CPNE5: variants seen among roughly 807,000 people sequenced by gnomAD.
CPNE5 encodes copine-5.
Under a neutral mutation model 81.1 loss-of-function variants are expected in CPNE5, and 42 were observed. The observed-to-expected ratio is 0.52, with a 90% confidence interval of 0.40 to 0.67. The LOEUF is 0.67. CPNE5 is among the 30% of genes least tolerant of loss of function. The probability of loss-of-function intolerance (pLI) is 0.00; values close to 1 mark genes in which losing one functional copy is unlikely to be tolerated. For synonymous variants in CPNE5, 313 were observed against 321.5 expected (o/e 0.97, Z 0.28); for missense variants, 612 against 815.5 (o/e 0.75, Z 3.04).
chr6:36,830,067 C>T (rs575415681), intron 1 of CPNE5, among the ~76,000 whole-genome samples: 20 of 152,248 alleles, frequency 1.3e-4, no homozygotes, highest in Middle Eastern at 3.4e-3. Flanking sequence ...TCCATATCAA[C>T]GCCAGAAAGT....
At chr6:36,756,011 C>T (rs1373167142) in intron 13 of CPNE5, 1 of 543,610 alleles carries the variant, frequency 1.8e-6, no homozygotes, top group Non-Finnish European at 3.2e-6. Context: ...GTGGATGTCT[C>T]TGCGATTCCT....
At chr6:36,761,941 G>C (rs1208626899) in intron 12 of CPNE5, among the ~76,000 whole-genome samples, 1 of 152,114 alleles carries the variant, frequency 6.6e-6, no homozygotes, top group Non-Finnish European at 1.5e-5. Flanking sequence ...TTGGAAGGTG[G>C]GGAGGGAATT....
intron 8 of CPNE5, among the ~76,000 whole-genome samples, chr6:36,790,641 G>A (rs1205421692): frequency 6.6e-6 from 1 of 152,092 alleles, no homozygotes; most frequent in Non-Finnish European, 1.5e-5. Context: ...CTGTCGCCCA[G>A]GCTGGAGTGC....
Position 36,823,105 on chromosome 6 carries a change from G to C in CPNE5, c.96-7C>G. Reference sequence around the variant, plus strand: ...GTCTTTGTCCAGGAGGTTCCTGAAAGAGGGGGAGAGAGGAGGGGTTAGCAC... The same window carrying C: ...GTCTTTGTCCAGGAGGTTCCTGAAACAGGGGGAGAGAGGAGGGGTTAGCAC... On this transcript the variant is annotated splice_polypyrimidine_tract_variant and splice_region_variant and intron_variant, in intron 1 of 20. Coordinates refer to ENST00000244751, the MANE Select transcript of CPNE5 (RefSeq NM_020939.2). The C allele has an allele frequency of 6.4e-7, 1 of 1,562,224 alleles. No homozygotes were observed. Among genetic ancestry groups the C allele is most frequent in the Admixed American group, 1.8e-5 (1 of 55,346 alleles).
At chr6:36,826,362 A>G (rs1370690256) in intron 1 of CPNE5, among the ~76,000 whole-genome samples, 1 of 152,098 alleles carries the variant, frequency 6.6e-6, no homozygotes, top group Non-Finnish European at 1.5e-5. Context: ...GGCAACCAGC[A>G]CCCCAGGATA....
chr6:36,774,473 A>G (rs1050417252), intron 10 of CPNE5, among the ~76,000 whole-genome samples: 4 of 152,164 alleles, frequency 2.6e-5, no homozygotes, highest in African/African-American at 9.7e-5. Context: ...TATCCCTAGG[A>G]TCTTGACTCC....
chr6:36,824,322 G>T (rs1338595375), intron 1 of CPNE5, among the ~76,000 whole-genome samples: 1 of 152,164 alleles, frequency 6.6e-6, no homozygotes, highest in Admixed American at 6.5e-5. Flanking sequence ...CGAAGTGCCA[G>T]AGGGACTGAG....
intron 12 of CPNE5, among the ~76,000 whole-genome samples, chr6:36,760,806 A>G (rs1765951392): frequency 6.6e-6 from 1 of 152,176 alleles, no homozygotes; most frequent in African/African-American, 2.4e-5. Context: ...GCCTGACACT[A>G]GGGCAATGCC....
intron 6 of CPNE5, among the ~76,000 whole-genome samples, chr6:36,796,130 G>A (rs1049881326): frequency 6.6e-6 from 1 of 152,060 alleles, no homozygotes; most frequent in Non-Finnish European, 1.5e-5. Flanking sequence ...TGTATTTTTA[G>A]TAGAGACAAG....
chr6:36,804,769 A>G (rs1463891951), intron 3 of CPNE5, among the ~76,000 whole-genome samples: 1 of 151,348 alleles, frequency 6.6e-6, no homozygotes, highest in African/African-American at 2.4e-5. Context: ...TACCCTAGAG[A>G]TTGATTCTGC....
chr6:36,821,042 G>T (rs1288056434), intron 3 of CPNE5, among the ~76,000 whole-genome samples: 3 of 152,216 alleles, frequency 2.0e-5, no homozygotes, highest in Non-Finnish European at 4.4e-5. Context: ...GTGTTGGAAG[G>T]TTGGAATGTT....
chr6:36,798,216 G>A lies in CPNE5; in HGVS notation c.353C>T (p.Thr118Ile). The stretch of plus-strand genomic sequence containing the variant: ...AGGGGACCCCACAATCTCTCCAAGG[G>A]TGCAGAAGGCCTGGCCCAGGAAATC... ...KHDFLGQAFCTLGEIVGSPGS... is the reference protein window; with the variant it reads ...KHDFLGQAFCILGEIVGSPGS... The change falls in exon 6 of 21, where the codon ACC becomes ATC. Residue 118 changes from threonine to isoleucine, a missense_variant. Transcript: ENST00000244751. 1 of 1,613,852 alleles carries A rather than the reference G, an allele frequency of 6.2e-7. No homozygotes were observed. The highest frequency in any genetic ancestry group is 8.5e-7 in the Non-Finnish European group (1 of 1,179,880).
chr6:36,757,775 T>G (rs1291663211), intron 12 of CPNE5, among the ~76,000 whole-genome samples: 2 of 151,964 alleles, frequency 1.3e-5, no homozygotes, highest in African/African-American at 4.8e-5. Context: ...GAGCAGGAAG[T>G]CTTGAAGGCA....
At chr6:36,824,035 G>A (rs1322254636) in intron 1 of CPNE5, among the ~76,000 whole-genome samples, 1 of 152,184 alleles carries the variant, frequency 6.6e-6, no homozygotes, top group Non-Finnish European at 1.5e-5. Flanking sequence ...CAACCTCTCT[G>A]AGCCTGTTTC....
At chr6:36,819,518 G>A (rs1425724523) in intron 3 of CPNE5, among the ~76,000 whole-genome samples, 1 of 152,164 alleles carries the variant, frequency 6.6e-6, no homozygotes, top group Admixed American at 6.5e-5. Flanking sequence ...GGGACTGGGG[G>A]CAGAGGGAGA....
intron 3 of CPNE5, among the ~76,000 whole-genome samples, chr6:36,802,331 C>G (rs946351760): frequency 6.6e-6 from 1 of 150,404 alleles, no homozygotes; most frequent in Non-Finnish European, 1.5e-5. Flanking sequence ...GTACCATGCA[C>G]TTGGGGTCCC....
rs1162400633 is a variant in CPNE5, at chr6:36,746,230, G to A, written c.1200+166C>T. ...AGGGGCAGCATCTGTGATCAGGGAA[G>A]GGAGTGGATTTCTGGAGCCCCCCTA... On this transcript the variant is annotated intron_variant, in intron 16 of 20. Coordinates refer to ENST00000244751, the MANE Select transcript of CPNE5 (RefSeq NM_020939.2). This position sits in a 1 kb window ranked among gnomAD's most constrained non-coding sequence, Gnocchi z 4.5. The A allele has an allele frequency of 2.0e-6, 2 of 984,914 alleles. No individual in the cohort carries two copies. The highest frequency in any genetic ancestry group is 9.4e-5 in the South Asian group (2 of 21,292). The allele number at this position is 984,914 out of a possible 1,614,324, so 61.0% of individuals were successfully genotyped here.
intron 1 of CPNE5, among the ~76,000 whole-genome samples, chr6:36,823,616 G>C (rs1246036571): frequency 6.6e-6 from 1 of 152,138 alleles, no homozygotes; most frequent in East Asian, 1.9e-4. Flanking sequence ...TTTGGACAAG[G>C]TCCTTCTGTG....
chr6:36,762,117 G>A (rs1365869495), intron 12 of CPNE5, among the ~76,000 whole-genome samples: 2 of 151,880 alleles, frequency 1.3e-5, no homozygotes, highest in Non-Finnish European at 2.9e-5. Flanking sequence ...GTTGGGCATG[G>A]TGGTGCGTGC....
Sources: allele counts gnomAD v4.1 joint callset (sites outside exome capture counted in the v4.1 genomes callset), GRCh38; gene constraint gnomAD v4.1.1; non-coding constraint Gnocchi (gnomAD v3.1); transcripts MANE v1.5; gene names NCBI Gene and HGNC (gene_info 2026-07-23, HGNC 2026-07-21).